The following GRAMD1B variants were observed in gnomAD, a reference collection of about 807,000 sequenced individuals.
GRAMD1B encodes the protein protein Aster-B.
GRAMD1B carries 37 observed loss-of-function variants against 99.7 expected under a neutral mutation model. The ratio of observed to expected loss-of-function variants is 0.37; its 90% confidence interval spans 0.29 to 0.49. The LOEUF is 0.49. GRAMD1B is among the 20% of genes least tolerant of loss of function. The pLI, the probability that GRAMD1B is intolerant of heterozygous loss-of-function variation, is 0.98. For synonymous variants in GRAMD1B, 427 were observed against 387.6 expected (o/e 1.10, Z -1.19); for missense variants, 888 against 1,009.2 (o/e 0.88, Z 1.63).
intron 1 of GRAMD1B, among the ~76,000 whole-genome samples, chr11:123,454,002 A>G (rs747972825): frequency 6.6e-6 from 1 of 152,236 alleles, no homozygotes; most frequent in Non-Finnish European, 1.5e-5. Flanking sequence ...TTCCTCACCT[A>G]TCCCCACCTC....
At chr11:123,536,213 A>G (rs757730376) in intron 2 of GRAMD1B, among the ~76,000 whole-genome samples, 11 of 152,088 alleles carry the variant, frequency 7.2e-5, no homozygotes, top group Non-Finnish European at 7.4e-5. Context: ...CCAGGAGTTT[A>G]AGACCAGCCT....
intron 3 of GRAMD1B, among the ~76,000 whole-genome samples, chr11:123,578,096 C>T (rs995798809): frequency 6.6e-6 from 1 of 152,098 alleles, no homozygotes; most frequent in Non-Finnish European, 1.5e-5. Context: ...GTCAGGACTG[C>T]CCCCTGAGTA....
chr11:123,370,489 T>A (rs1946490172), intron 1 of GRAMD1B, among the ~76,000 whole-genome samples: 1 of 151,792 alleles, frequency 6.6e-6, no homozygotes, highest in Non-Finnish European at 1.5e-5. Context: ...TACAGTCACA[T>A]GCCACCACAC....
chr11:123,465,250 A>C (rs1459447454), intron 1 of GRAMD1B, among the ~76,000 whole-genome samples: 2 of 152,146 alleles, frequency 1.3e-5, no homozygotes, highest in Admixed American at 1.3e-4. Flanking sequence ...AAAGAGCGGT[A>C]TGTATGTTGA....
At chr11:123,588,524 C>G (rs570934220) in intron 4 of GRAMD1B, among the ~76,000 whole-genome samples, 1 of 152,312 alleles carries the variant, frequency 6.6e-6, no homozygotes, top group East Asian at 1.9e-4. Context: ...GGATCCAGAG[C>G]CTCCTGGAGC....
intron 2 of GRAMD1B, among the ~76,000 whole-genome samples, chr11:123,483,935 C>A (rs766573797): frequency 6.6e-6 from 1 of 152,060 alleles, no homozygotes; most frequent in African/African-American, 2.4e-5. Context: ...CAATTTAGAC[C>A]GACGTATATG....
At chr11:123,529,482 T>C (rs1410971223) in intron 2 of GRAMD1B, among the ~76,000 whole-genome samples, 2 of 152,154 alleles carry the variant, frequency 1.3e-5, no homozygotes, top group African/African-American at 2.4e-5. Flanking sequence ...TCTCTCTCAA[T>C]AGGGTAAGAG....
intron 1 of GRAMD1B, among the ~76,000 whole-genome samples, chr11:123,405,515 T>C (rs146367022): frequency 1.7e-4 from 26 of 152,322 alleles, no homozygotes; most frequent in African/African-American, 6.3e-4. Flanking sequence ...ACAAGGCTGC[T>C]GCGGATAACT....
intron 4 of GRAMD1B, among the ~76,000 whole-genome samples, chr11:123,588,220 C>T (rs368928674): frequency 2.0e-5 from 3 of 152,100 alleles, no homozygotes; most frequent in Non-Finnish European, 4.4e-5. Flanking sequence ...CTCCTGGGCT[C>T]CTCCACCCCC....
At chr11:123,569,696 T>C (rs1947842569) in intron 2 of GRAMD1B, among the ~76,000 whole-genome samples, 1 of 152,226 alleles carries the variant, frequency 6.6e-6, no homozygotes, top group Admixed American at 6.5e-5. Context: ...GTATGGATAT[T>C]TGCAGTGGCA....
intron 1 of GRAMD1B, chr11:123,435,441 T>C: frequency 2.8e-6 from 2 of 702,794 alleles, no homozygotes. Flanking sequence ...AAGCTCAAGC[T>C]TGCGGATTTT....
In GRAMD1B at chr11:123,622,592, T is replaced by C. The variant is rs1955266428; in HGVS notation, c.2631T>C (p.His877=). The C allele has an allele frequency of 3.9e-6, 6 of 1,538,896 alleles. No individual in the cohort carries two copies. The highest frequency in any genetic ancestry group is 5.3e-6 in the Non-Finnish European group (6 of 1,135,512). Residue 877 remains histidine (H), a synonymous_variant, in exon 20 of 20, where the codon CAT becomes CAC. Transcript: ENST00000635736. Reference sequence around the variant, plus strand: ...GTGAAGAAAAGAGGAATCGCTATCATTGACAAGGCAGGAACAGGGTGGCTG... The same window carrying C: ...GTGAAGAAAAGAGGAATCGCTATCACTGACAAGGCAGGAACAGGGTGGCTG... The part of the protein sequence containing the change: ...SESEEKRNRY[H]
intron 1 of GRAMD1B, among the ~76,000 whole-genome samples, chr11:123,421,843 C>G (rs952984283): frequency 6.6e-6 from 1 of 152,142 alleles, no homozygotes; most frequent in African/African-American, 2.4e-5. Flanking sequence ...AAGTTTATCA[C>G]TGAATTAAAA....
intron 1 of GRAMD1B, among the ~76,000 whole-genome samples, chr11:123,391,304 A>G (rs1433787778): frequency 6.6e-6 from 1 of 151,906 alleles, no homozygotes; most frequent in Non-Finnish European, 1.5e-5. Flanking sequence ...TCTTTCTCTC[A>G]CCATTAGTGT....
At chr11:123,477,131 C>T (rs1178251614) in intron 1 of GRAMD1B, among the ~76,000 whole-genome samples, 2 of 152,162 alleles carry the variant, frequency 1.3e-5, no homozygotes, top group Non-Finnish European at 2.9e-5. Context: ...CTTTTTCATA[C>T]TTCACATTTC....
intron 1 of GRAMD1B, among the ~76,000 whole-genome samples, chr11:123,365,087 A>T (rs766691936): frequency 6.6e-6 from 1 of 152,208 alleles, no homozygotes; most frequent in Non-Finnish European, 1.5e-5. Flanking sequence ...AATATTTTGC[A>T]TAAGGAATTA....
chr11:123,378,191 C>G (rs1002059199), intron 1 of GRAMD1B, among the ~76,000 whole-genome samples: 4 of 152,180 alleles, frequency 2.6e-5, no homozygotes, highest in Admixed American at 2.6e-4. Flanking sequence ...ATTAACTTAC[C>G]AAGACCGTGG....
chr11:123,412,672 C>T (rs145885378), intron 1 of GRAMD1B, among the ~76,000 whole-genome samples: 3 of 152,220 alleles, frequency 2.0e-5, no homozygotes, highest in African/African-American at 4.8e-5. Flanking sequence ...TATAGAAAAC[C>T]CAGCCCTGAA....
At chr11:123,451,897 G>A (rs1426519458) in intron 1 of GRAMD1B, among the ~76,000 whole-genome samples, 1 of 152,124 alleles carries the variant, frequency 6.6e-6, no homozygotes, top group Admixed American at 6.5e-5. Context: ...ACAGTGGCAT[G>A]ATCATAGCTC....
Sources: allele counts gnomAD v4.1 joint callset (sites outside exome capture counted in the v4.1 genomes callset), GRCh38; gene constraint gnomAD v4.1.1; transcripts MANE v1.5; gene names NCBI Gene and HGNC (gene_info 2026-07-23, HGNC 2026-07-21).